Variants in SPATA6 observed in about 807,000 individuals in gnomAD.
SPATA6 encodes spermatogenesis associated 6.
Under a neutral mutation model 65.3 loss-of-function variants are expected in SPATA6, and 56 were observed. The ratio of observed to expected loss-of-function variants is 0.86; its 90% CI spans 0.69 to 1.07. The LOEUF (loss-of-function observed/expected upper bound fraction) is 1.07, where lower values mean the gene tolerates loss of function less well. SPATA6 is among the 50% of genes least tolerant of loss of function. The pLI is 0.00. For synonymous variants in SPATA6, 199 were observed against 213.2 expected, an observed-to-expected ratio of 0.93 and a Z score of 0.58; for missense variants, 590 against 594.8, an observed-to-expected ratio of 0.99 and a Z score of 0.08.
chr1:48,419,627 G>A (rs1653131487), intron 3 of SPATA6, among the ~76,000 whole-genome samples: 1 of 152,074 alleles, frequency 6.6e-6, no homozygotes, highest in African/African-American at 2.4e-5. Flanking sequence ...CTGTAAGACT[G>A]GGCAAAGATA....
At chr1:48,351,063 G>A (rs1248083718) in intron 11 of SPATA6, among the ~76,000 whole-genome samples, 1 of 151,798 alleles carries the variant, frequency 6.6e-6, no homozygotes, top group Non-Finnish European at 1.5e-5. Context: ...TCAGCATACA[G>A]ATCCTACACA....
chr1:48,462,926 T>C (rs1303443584), intron 1 of SPATA6, among the ~76,000 whole-genome samples: 2 of 152,168 alleles, frequency 1.3e-5, no homozygotes, highest in African/African-American at 4.8e-5. Context: ...TGGGCAGGGA[T>C]TATACCATCT....
chr1:48,265,405 A>C, the SPATA6 span, among the ~76,000 whole-genome samples: 15 of 151,768 alleles, frequency 9.9e-5, no homozygotes, highest in South Asian at 2.1e-4. Context: ...GAAAAAAAAA[A>C]CCCCTGGGAT....
At chr1:48,471,863 G>A in intron 1 of SPATA6, 95 bp downstream of exon 1, 1 of 1,408,864 alleles carries the variant, frequency 7.1e-7, no homozygotes, top group Non-Finnish European at 9.9e-7. Context: ...GATTCGGAGG[G>A]TGAAGGAGGT....
chr1:48,407,040 T>A (rs1177440322), intron 5 of SPATA6, among the ~76,000 whole-genome samples: 1 of 152,224 alleles, frequency 6.6e-6, no homozygotes, highest in Non-Finnish European at 1.5e-5. Context: ...AATATAATGA[T>A]AGATATGGCT....
rs549049464 is a variant in SPATA6, at chr1:48,445,521, G to A, written c.238+6031C>T. Among the ~76,000 whole-genome samples the A allele has an allele frequency of 1.1e-4, 17 of 152,006 alleles. No individual in the cohort carries two copies. The Middle Eastern group carries it at 0.014, about 122-fold the overall frequency. ...TAAAAATACAAAAAATTAGCCGGGC[G>A]TGGTGGCAGGCGCCTGTAGTCCCAG... On this transcript the variant is annotated intron_variant, in intron 3 of 12. Transcript: ENST00000371847.
intron 3 of SPATA6, among the ~76,000 whole-genome samples, chr1:48,413,693 G>A (rs538219042): frequency 2.6e-5 from 4 of 152,102 alleles, no homozygotes; most frequent in African/African-American, 4.8e-5. Context: ...CAACTTGAGC[G>A]TTAGGGGCAC....
intron 3 of SPATA6, among the ~76,000 whole-genome samples, chr1:48,418,135 C>T (rs533140598): frequency 3.2e-4 from 49 of 152,216 alleles, no homozygotes; most frequent in African/African-American, 1.2e-3. Context: ...TTAAACTAAT[C>T]TTAGTTATTA....
At chr1:48,411,718 A>G in intron 4 of SPATA6, 130 bp from the exon 5 acceptor site, 1 of 763,910 alleles carries the variant, frequency 1.3e-6, no homozygotes, top group Non-Finnish European at 1.8e-6. Flanking sequence ...TTTATTTTCT[A>G]TGAAAGGAAA....
At chr1:48,413,245 C>A in intron 3 of SPATA6, 94 bp from the exon 4 acceptor site, 1 of 469,786 alleles carries the variant, frequency 2.1e-6, no homozygotes, top group Non-Finnish European at 3.6e-6. Context: ...CCAAAGTAAT[C>A]ACTAGGTAGA....
chr1:48,388,720 T>A (rs986340386), intron 8 of SPATA6, among the ~76,000 whole-genome samples: 16 of 151,926 alleles, frequency 1.1e-4, no homozygotes, highest in Admixed American at 9.8e-4. Context: ...GATTTTTTTT[T>A]TTTTTTGAGA....
intron 11 of SPATA6, among the ~76,000 whole-genome samples, chr1:48,340,067 C>T (rs1646166665): frequency 6.6e-6 from 1 of 151,708 alleles, no homozygotes; most frequent in Admixed American, 6.6e-5. Flanking sequence ...TAACAACACA[C>T]TTCTCAACAA....
At chr1:48,449,145 A>G (rs1656331306) in intron 3 of SPATA6, among the ~76,000 whole-genome samples, 1 of 152,212 alleles carries the variant, frequency 6.6e-6, no homozygotes, top group African/African-American at 2.4e-5. Flanking sequence ...GCTGATTAGG[A>G]AAATTTCTTC....
chr1:48,452,103 T>C (rs1557726752), intron 2 of SPATA6, among the ~76,000 whole-genome samples: 1 of 152,182 alleles, frequency 6.6e-6, no homozygotes, highest in African/African-American at 2.4e-5. Context: ...TTGGTTATTG[T>C]CTGTTTCCCC....
intron 3 of SPATA6, chr1:48,436,181 C>T: frequency 6.2e-7 from 1 of 1,611,354 alleles, no homozygotes; most frequent in South Asian, 1.1e-5. Flanking sequence ...GACAACTTGA[C>T]TTCTGTCCAT....
rs149740650 is a variant in SPATA6 at position 48,309,936 on chromosome 1, C to T, written c.1195-4058G>A. 1.3e-3 allele frequency among the ~76,000 whole-genome samples: 199 copies of T among 152,190 alleles called. 1 individual carries two copies. The highest frequency in any genetic ancestry group is 2.1e-3 in the Non-Finnish European group (144 of 68,012). ...GCCGTAACTGATTGTTTATGCAGAG[C>T]CTTAAGGTAGGCTGGAATTGAAAGC... On this transcript the variant is annotated intron_variant, in intron 11 of 12. Transcript: ENST00000371847.
At chr1:48,364,460 T>C (rs567921807) in intron 9 of SPATA6, among the ~76,000 whole-genome samples, 2 of 152,280 alleles carry the variant, frequency 1.3e-5, no homozygotes, top group African/African-American at 4.8e-5. Flanking sequence ...CTCTCCAGCA[T>C]CTGTTGTTTC....
At chr1:48,462,621 A>T (rs1339039662) in intron 1 of SPATA6, among the ~76,000 whole-genome samples, 1 of 152,230 alleles carries the variant, frequency 6.6e-6, no homozygotes, top group Non-Finnish European at 1.5e-5. Flanking sequence ...GATTGGTGTG[A>T]TAATGACAGA....
chr1:48,273,102 G>A, the SPATA6 span, among the ~76,000 whole-genome samples: 1 of 152,080 alleles, frequency 6.6e-6, no homozygotes, highest in Non-Finnish European at 1.5e-5. Context: ...CTATACAGAA[G>A]CTTTTGAGTT....
Sources: gnomAD v4.1 joint callset for allele counts (sites outside exome capture counted in the v4.1 genomes callset) on GRCh38, gnomAD v4.1.1 for gene constraint, MANE v1.5 for transcripts, NCBI Gene and HGNC (gene_info 2026-07-23, HGNC 2026-07-21) for gene names.